Variants in NEXN observed in about 807,000 individuals in gnomAD.
The protein encoded by NEXN is nexilin F-actin binding protein, also known as nexilin.
NEXN carries 65 observed loss-of-function variants against 92.6 expected under a neutral mutation model. The observed-to-expected ratio is 0.70, with a 90% CI of 0.57 to 0.86. The LOEUF (loss-of-function observed/expected upper bound fraction) is 0.86. Ranked by LOEUF, NEXN falls within the 40% of genes least tolerant of loss-of-function variation. The pLI, the probability that NEXN is intolerant of heterozygous loss-of-function variation, is 0.00. For missense variants in NEXN, 778 were observed against 771.1 expected, an observed-to-expected ratio of 1.01 and a Z score of -0.11; for synonymous variants, 254 against 242.5, an observed-to-expected ratio of 1.05 and a Z score of -0.44.
chr1:77,896,257 C>T (rs1647250475), intron 1 of NEXN, among the ~76,000 whole-genome samples: 1 of 152,038 alleles, frequency 6.6e-6, no homozygotes. Context: ...TTAAACATGC[C>T]TTTTAATTTA....
At chr1:77,900,165 C>T (rs1647581617) in intron 1 of NEXN, among the ~76,000 whole-genome samples, 1 of 152,124 alleles carries the variant, frequency 6.6e-6, no homozygotes, top group Admixed American at 6.6e-5. Context: ...TTTTATAGCT[C>T]CCCAGATTTG....
chr1:77,894,927 G>T (rs1647192014), intron 1 of NEXN, among the ~76,000 whole-genome samples: 1 of 151,050 alleles, frequency 6.6e-6, no homozygotes, highest in Non-Finnish European at 1.5e-5. Context: ...TGTTGGCCAG[G>T]CTGGTCTCGA....
At chr1:77,910,753 A>AC (rs1553235507) in intron 1 of NEXN, among the ~76,000 whole-genome samples, 4 of 95,816 alleles carry the variant, frequency 4.2e-5, no homozygotes, top group South Asian at 4.7e-4. Context: ...TGTCTCAAAA[A>AC]AAAAAAAAAA....
At chr1:77,937,402 T>C (rs987062271) in intron 11 of NEXN, among the ~76,000 whole-genome samples, 3 of 149,354 alleles carry the variant, frequency 2.0e-5, no homozygotes, top group East Asian at 2.0e-4. Flanking sequence ...AAAAAAATTA[T>C]TTGAGGCCAG....
chr1:77,905,948 A>G (rs957762861), intron 1 of NEXN, among the ~76,000 whole-genome samples: 2 of 152,142 alleles, frequency 1.3e-5, no homozygotes, highest in African/African-American at 2.4e-5. Context: ...GGAGGGGTAA[A>G]AAGAGATGAG....
intron 1 of NEXN, among the ~76,000 whole-genome samples, chr1:77,915,066 C>T (rs1178596572): frequency 6.6e-6 from 1 of 151,998 alleles, no homozygotes; most frequent in Non-Finnish European, 1.5e-5. Context: ...GCAATCCTAG[C>T]ACTTCTGGAG....
chr1:77,928,908 G>T (rs1397773399), intron 8 of NEXN, among the ~76,000 whole-genome samples: 2 of 152,072 alleles, frequency 1.3e-5, no homozygotes, highest in Admixed American at 6.6e-5. Flanking sequence ...CACCACACTG[G>T]CTATAATGTG....
At chr1:77,920,026 A>G (rs1649299796) in intron 5 of NEXN, among the ~76,000 whole-genome samples, 1 of 151,474 alleles carries the variant, frequency 6.6e-6, no homozygotes, top group Admixed American at 6.6e-5. Context: ...CAGTCTCCCG[A>G]GTAGCTAGGA....
intron 1 of NEXN, among the ~76,000 whole-genome samples, chr1:77,912,211 C>A (rs1449163027): frequency 6.6e-6 from 1 of 151,714 alleles, no homozygotes; most frequent in African/African-American, 2.4e-5. Context: ...GTAGTATAAA[C>A]AACTATGAAA....
chr1:77,911,690 A>G (rs926267305), intron 1 of NEXN, among the ~76,000 whole-genome samples: 1 of 152,150 alleles, frequency 6.6e-6, no homozygotes, highest in African/African-American at 2.4e-5. Flanking sequence ...TATGGAACAT[A>G]AATGAATTTC....
At chr1:77,919,097 C>T (rs1033599051) in intron 5 of NEXN, among the ~76,000 whole-genome samples, 4 of 152,078 alleles carry the variant, frequency 2.6e-5, no homozygotes, top group African/African-American at 4.8e-5. Context: ...GTACTTCTTA[C>T]GTAGCGGTGG....
chr1:77,888,882 G>A, intron 1 of NEXN, 123 bp downstream of exon 1: 1 of 152,902 alleles, frequency 6.5e-6, no homozygotes. Context: ...GCTTCTGGCC[G>A]TGCTCCGCTG....
intron 9 of NEXN, among the ~76,000 whole-genome samples, chr1:77,930,377 C>T (rs1557985388): frequency 6.6e-6 from 1 of 152,124 alleles, no homozygotes; most frequent in Non-Finnish European, 1.5e-5. Context: ...CAGTTTTCCC[C>T]CCATTTTCAC....
At chr1:77,896,503 C>T (rs1052432583) in intron 1 of NEXN, among the ~76,000 whole-genome samples, 31 of 152,096 alleles carry the variant, frequency 2.0e-4, no homozygotes, top group African/African-American at 7.2e-4. Flanking sequence ...CATGGTGGCT[C>T]ACACCTGTAA....
intron 1 of NEXN, among the ~76,000 whole-genome samples, chr1:77,899,139 C>T (rs1317062990): frequency 1.3e-5 from 2 of 152,038 alleles, no homozygotes; most frequent in African/African-American, 4.8e-5. Context: ...ACCATTTGAC[C>T]CAGCCATCCC....
chr1:77,906,506 G>A (rs1648124067), intron 1 of NEXN, among the ~76,000 whole-genome samples: 2 of 152,086 alleles, frequency 1.3e-5, no homozygotes, highest in Admixed American at 6.6e-5. Context: ...AAAAGTTCTA[G>A]TAGAATATTT....
intron 1 of NEXN, among the ~76,000 whole-genome samples, chr1:77,899,377 A>C (rs1415923457): frequency 6.6e-6 from 1 of 152,088 alleles, no homozygotes; most frequent in African/African-American, 2.4e-5. Flanking sequence ...ATGAAACTGG[A>C]AACCATCATT....
chr1:77,902,889 T>C (rs1057158325), intron 1 of NEXN, among the ~76,000 whole-genome samples: 1 of 152,138 alleles, frequency 6.6e-6, no homozygotes, highest in Admixed American at 6.6e-5. Flanking sequence ...ATTTCCATTA[T>C]AATTAGTTTG....
At chr1:77,926,655 G>A in intron 7 of NEXN, 44 bp downstream of exon 7, 1 of 1,613,828 alleles carries the variant, frequency 6.2e-7, no homozygotes, top group Non-Finnish European at 8.5e-7. Flanking sequence ...AATCAAGGCA[G>A]TTTAAGTTAG....
Sources: allele counts gnomAD v4.1 joint callset (sites outside exome capture counted in the v4.1 genomes callset), GRCh38; gene constraint gnomAD v4.1.1; transcripts MANE v1.5; gene names NCBI Gene and HGNC (gene_info 2026-07-23, HGNC 2026-07-21).